The following OR14J1 variants were observed in gnomAD, a reference collection of about 807,000 sequenced individuals.
OR14J1 encodes the protein olfactory receptor family 14 subfamily J member 1.
For missense variants in OR14J1, 378 were observed against 393.4 expected, an observed-to-expected ratio of 0.96 and a Z score of 0.33; for synonymous variants, 140 against 146.7, an observed-to-expected ratio of 0.95 and a Z score of 0.33.
At position 29,307,067 on chromosome 6, in the gene OR14J1, A is replaced by G. The variant is rs780766343; in HGVS notation, c.378A>G (p.Gln126=). The G allele has an allele frequency of 8.1e-6, 13 of 1,613,050 alleles. No individual in the cohort carries two copies. Among genetic ancestry groups the G allele is most frequent in the Non-Finnish European group, 1.1e-5 (13 of 1,180,016 alleles). The part of the protein sequence containing the change: ...MSYDRYAAIC[Q]PLHYETIMDP... The stretch of plus-strand genomic sequence containing the variant: ...ATGACAGGTACGCAGCAATCTGTCA[A>G]CCACTTCATTATGAGACTATTATGG... The change falls in exon 2 of 2, where the codon CAA becomes CAG. Residue 126 remains glutamine, a synonymous_variant. Coordinates refer to ENST00000641895, the MANE Select transcript of OR14J1 (RefSeq NM_030946.2).
Position 29,311,600 on chromosome 6 carries a change from G to A in OR14J1, c.*3945G>A, listed in dbSNP as rs965910542. On this transcript the variant is annotated 3_prime_UTR_variant, in exon 2 of 2. Transcript: ENST00000641895. ...TTTTGTTGTGTCTCTGCCAGGTTTT[G>A]GTATCAGGTTGATGCTGGCCTCATA... is the stretch of plus-strand genomic sequence containing the variant. 27 of 152,140 alleles carry A rather than the reference G, an allele frequency of 1.8e-4. No individual in the cohort carries two copies. Among genetic ancestry groups the A allele is most frequent in the African/African-American group, 6.5e-4 (27 of 41,426 alleles). 9.4% of individuals were successfully genotyped at this position (152,140 alleles called of 1,614,324 possible).
Position 29,309,598 on chromosome 6 carries a change from C to T in OR14J1, c.*1943C>T, listed in dbSNP as rs949136280. ...TTCTAACTGGCATGAGATGGTATCT[C>T]ATTATGGTTTTGATTCACATTTCTC... On this transcript the variant is annotated 3_prime_UTR_variant, in exon 2 of 2. Transcript: ENST00000641895. 1.3e-5 allele frequency: 2 copies of T among 152,176 alleles called. No individual in the cohort carries two copies. The highest frequency in any genetic ancestry group is 3.8e-4 in the East Asian group (2 of 5,204). The allele number at this position is 152,176 out of a possible 1,614,324, so 9.4% of individuals were successfully genotyped here.
rs368777812 is a variant in OR14J1, at chr6:29,306,801, A to G, written c.112A>G (p.Thr38Ala). 7.4e-6 allele frequency: 12 copies of G among 1,612,890 alleles called. No individual in the cohort carries two copies. Among genetic ancestry groups the G allele is most frequent in the Non-Finnish European group, 1.0e-5 (12 of 1,179,980 alleles). ...TCTGGTGACATACCTGCTGGCCTTGACAGGCAACCTCCTCATTATCACCAT... is the reference window on the plus strand; with the variant it reads ...TCTGGTGACATACCTGCTGGCCTTGGCAGGCAACCTCCTCATTATCACCAT... ...VFLVTYLLAL[T>A]GNLLIITIIT... The change falls in exon 2 of 2, where the codon ACA (threonine) becomes GCA (alanine). Residue 38 changes from threonine (T) to alanine (A), a missense_variant. Thr to Ala is a moderately conservative substitution (Grantham distance 58). Transcript: ENST00000641895.
Position 29,306,989 on chromosome 6 carries a change from C to T in OR14J1, c.300C>T (p.Phe100=), listed in dbSNP as rs758974946. The part of the protein sequence containing the change: ...ISLVQCILQV[F]FFIALASSEV... ...TTGTTCAGTGCATTCTTCAGGTTTT[C>T]TTCTTCATAGCTCTGGCCTCATCAG... Residue 100 remains phenylalanine (F), a synonymous_variant, in exon 2 of 2, where the codon TTC becomes TTT. Transcript: ENST00000641895. The T allele has an allele frequency of 5.6e-6, 9 of 1,612,976 alleles. No homozygotes were observed. The East Asian group carries it at 1.6e-4, about 28-fold the overall frequency.
rs755742835 is a variant in OR14J1, at chr6:29,306,950, C to T, written c.261C>T (p.Asn87=). 15 of 1,612,960 alleles carry T rather than the reference C, an allele frequency of 9.3e-6. No homozygotes were observed. In the East Asian group the frequency reaches 1.1e-4, roughly 12 times the overall value. The change falls in exon 2 of 2, where the codon AAC becomes AAT. Residue 87 remains asparagine (N), a synonymous_variant. Coordinates refer to ENST00000641895, the MANE Select transcript of OR14J1 (RefSeq NM_030946.2). ...PQSIANSLMG[N]GYISLVQCIL... ...CCATTGCAAATTCACTTATGGGCAA[C>T]GGTTACATTTCTCTTGTTCAGTGCA...
chr6:29,303,216 AC>A (rs2151187955), intron 1 of OR14J1, among the ~76,000 whole-genome samples: 1 of 152,364 alleles, frequency 6.6e-6, no homozygotes, highest in Admixed American at 6.5e-5. Context: ...TTTTGAGTAA[AC>A]AAAAGTACAG....
chr6:29,312,987 C>T lies in OR14J1; in HGVS notation c.*5332C>T, dbSNP rs1275462548. ...GACTTATTAGTTATTTGTGTGTCTT[C>T]ATTTGTGAAGTTTTTGCTCAGACAC... On this transcript the variant is annotated 3_prime_UTR_variant, in exon 2 of 2. Coordinates refer to ENST00000641895, the MANE Select transcript of OR14J1 (RefSeq NM_030946.2). The T allele has an allele frequency of 6.6e-6, 1 of 152,096 alleles. No homozygotes were observed. The highest frequency in any genetic ancestry group is 2.4e-5 in the African/African-American group (1 of 41,412). The allele number at this position is 152,096 out of a possible 1,614,324, so 9.4% of individuals were successfully genotyped here. A position where few individuals can be genotyped will look rare whatever the true frequency, so the allele number is the denominator to read the frequency against.
chr6:29,303,000 G>GAGAT (rs1774816463), intron 1 of OR14J1, among the ~76,000 whole-genome samples: 1 of 125,568 alleles, frequency 8.0e-6, no homozygotes, highest in African/African-American at 3.1e-5. Context: ...CAGTGACAGG[G>GAGAT]AGATGTCTGG....
At chr6:29,302,242 G>A (rs1347534141) in intron 1 of OR14J1, among the ~76,000 whole-genome samples, 3 of 139,572 alleles carry the variant, frequency 2.1e-5, no homozygotes, top group Non-Finnish European at 3.0e-5. Flanking sequence ...GCAGTGGCGC[G>A]ACCTTGGCTC....
intron 1 of OR14J1, among the ~76,000 whole-genome samples, chr6:29,304,404 A>C (rs1375112598): frequency 2.0e-5 from 3 of 152,196 alleles, no homozygotes; most frequent in African/African-American, 7.2e-5. Context: ...TGCTTGGGGG[A>C]AACAAATGAC....
rs1582269860 is a variant in OR14J1, at chr6:29,309,166, T to C, written c.*1511T>C. On this transcript the variant is annotated 3_prime_UTR_variant, in exon 2 of 2. Transcript: ENST00000641895. ...GTGTTAGTTTGCTGAGAATGATGGT[T>C]TCCAGCTTCATCCATGTCCCTGCAA... 6.6e-6 allele frequency: 1 copy of C among 152,242 alleles called. No individual in the cohort carries two copies. The highest frequency in any genetic ancestry group is 2.4e-5 in the African/African-American group (1 of 41,446). 9.4% of individuals were successfully genotyped at this position (152,242 alleles called of 1,614,324 possible). A position where few individuals can be genotyped will look rare whatever the true frequency, so the allele number is the denominator to read the frequency against.
chr6:29,309,115 C>T lies in OR14J1; in HGVS notation c.*1460C>T, dbSNP rs998268902. 3.9e-5 allele frequency: 6 copies of T among 152,146 alleles called. No individual in the cohort carries two copies. Among genetic ancestry groups the T allele is most frequent in the African/African-American group, 1.2e-4 (5 of 41,422 alleles). The allele number at this position is 152,146 out of a possible 1,614,324, so 9.4% of individuals were successfully genotyped here. On this transcript the variant is annotated 3_prime_UTR_variant, in exon 2 of 2. Transcript: ENST00000641895. ...TTCAGCTCCTACTTATGAGTGAGAA[C>T]ATGCAATGTTTAGTTTTATGTTCTT...
chr6:29,307,268 T>C lies in OR14J1; in HGVS notation c.579T>C (p.Asn193=). Residue 193 remains asparagine, a synonymous_variant, in exon 2 of 2, where the codon AAT becomes AAC. Coordinates refer to ENST00000641895, the MANE Select transcript of OR14J1 (RefSeq NM_030946.2). ...LKLACSYEFI[N]EIALAAFTTS... ...TAGCCTGTTCTTATGAATTCATTAA[T>C]GAGATTGCACTGGCTGCATTCACAA... 1 of 1,612,100 alleles carries C rather than the reference T, an allele frequency of 6.2e-7. No homozygotes were observed. The highest frequency in any genetic ancestry group is 8.5e-7 in the Non-Finnish European group (1 of 1,179,148).
In OR14J1 at chr6:29,307,904, T is replaced by A. The variant is rs1775230524; in HGVS notation, c.*249T>A. Reference sequence around the variant, plus strand: ...GGAGAAAGACAATTAGTTTGGAGTCTGGCCTGTATAATTTAAAACTTGTTA... The same window carrying A: ...GGAGAAAGACAATTAGTTTGGAGTCAGGCCTGTATAATTTAAAACTTGTTA... On this transcript the variant is annotated 3_prime_UTR_variant, in exon 2 of 2. Coordinates refer to ENST00000641895, the MANE Select transcript of OR14J1 (RefSeq NM_030946.2). 8.0e-6 allele frequency: 3 copies of A among 376,100 alleles called. No homozygotes were observed. The highest frequency in any genetic ancestry group is 1.4e-5 in the Non-Finnish European group (3 of 211,472). The allele number at this position is 376,100 out of a possible 1,614,324, so 23.3% of individuals were successfully genotyped here. A position where few individuals can be genotyped will look rare whatever the true frequency, so the allele number is the denominator to read the frequency against.
At chr6:29,303,298 C>T (rs182276899) in intron 1 of OR14J1, among the ~76,000 whole-genome samples, 2 of 151,880 alleles carry the variant, frequency 1.3e-5, no homozygotes, top group Admixed American at 6.6e-5. Flanking sequence ...ACCCAGATAA[C>T]GAGACTAAGA....
At position 29,307,483 on chromosome 6, in the gene OR14J1, C is replaced by G; in HGVS notation, c.794C>G (p.Ser265Ter). Reference protein sequence around the residue: ...FEFLRLPSDSSSTVDLVFSVF... With the variant: ...FEFLRLPSDS ...TTTCTCAGACTGCCTTCTGATTCCT[C>G]ATCGACTGTGGACCTTGTATTCTCC... Residue 265 changes from serine (S) to a stop codon, truncating the protein, a stop_gained, in exon 2 of 2, where the codon TCA becomes TGA. Transcript: ENST00000641895. LOFTEE classifies it low-confidence loss of function (END_TRUNC). 2.5e-6 allele frequency: 4 copies of G among 1,613,042 alleles called. No homozygotes were observed. Among genetic ancestry groups the G allele is most frequent in the Non-Finnish European group, 3.4e-6 (4 of 1,180,022 alleles).
In OR14J1 at chr6:29,306,853, C is replaced by T. The variant is rs1297774139; in HGVS notation, c.164C>T (p.Ser55Phe). 1.2e-6 allele frequency: 2 copies of T among 1,613,048 alleles called. No individual in the cohort carries two copies. The highest frequency in any genetic ancestry group is 2.7e-5 in the African/African-American group (2 of 75,048). Residue 55 changes from serine (S) to phenylalanine (F), a missense_variant, in exon 2 of 2, where the codon TCC becomes TTC. Physicochemically the swap from Ser to Phe is radical, Grantham distance 155. Transcript: ENST00000641895. ...TIITVDRRLH[S>F]PMYYFLKHLS... ...ATTACCGTGGACCGTCGTCTCCATT[C>T]CCCCATGTATTACTTTTTAAAGCAC...
Position 29,306,832 on chromosome 6 carries a change from C to G in OR14J1, c.143C>G (p.Thr48Ser). Residue 48 changes from threonine to serine, a missense_variant, in exon 2 of 2, where the codon ACC becomes AGC. Coordinates refer to ENST00000641895, the MANE Select transcript of OR14J1 (RefSeq NM_030946.2). ...AACCTCCTCATTATCACCATCATTA[C>G]CGTGGACCGTCGTCTCCATTCCCCC... is the stretch of plus-strand genomic sequence containing the variant. ...TGNLLIITII[T>S]VDRRLHSPMY... The G allele has an allele frequency of 6.2e-7, 1 of 1,613,064 alleles. No homozygotes were observed. The highest frequency in any genetic ancestry group is 1.3e-5 in the African/African-American group (1 of 75,052).
Position 29,307,279 on chromosome 6 carries a change from T to A in OR14J1, c.590T>A (p.Leu197Gln). ...CSYEFINEIA[L>Q]AAFTTSAAFI... The stretch of plus-strand genomic sequence containing the variant: ...TATGAATTCATTAATGAGATTGCAC[T>A]GGCTGCATTCACAACGTCTGCAGCA... The change falls in exon 2 of 2, where the codon CTG (leucine) becomes CAG (glutamine). Residue 197 changes from leucine to glutamine, a missense_variant. By Grantham distance (113) the Leu-to-Gln change is moderately radical. Transcript: ENST00000641895. 6.2e-7 allele frequency: 1 copy of A among 1,612,960 alleles called. No homozygotes were observed.
Sources: allele counts gnomAD v4.1 joint callset (sites outside exome capture counted in the v4.1 genomes callset), GRCh38; gene constraint gnomAD v4.1.1; transcripts MANE v1.5; gene names NCBI Gene and HGNC (gene_info 2026-07-23, HGNC 2026-07-21).